LHFPL7: variants seen among roughly 807,000 people sequenced by gnomAD.
LHFPL7 encodes LHFPL tetraspan subfamily member 7, also known as LHFPL tetraspan subfamily member 7 protein.
At chr22:24,942,100 G>T in the LHFPL7 span, among the ~76,000 whole-genome samples, 1 of 151,900 alleles carries the variant, frequency 6.6e-6, no homozygotes, top group African/African-American at 2.4e-5. Context: ...GGTTCATGCC[G>T]TTCTCCTGCC....
the LHFPL7 span, among the ~76,000 whole-genome samples, chr22:24,939,924 C>CCTTTTTTTTTTTTT: frequency 1.1e-5 from 1 of 86,980 alleles, no homozygotes; most frequent in African/African-American, 4.3e-5. Flanking sequence ...TCATTTATCG[C>CCTTTTTTTTTTTTT]TTTTTTTTTT....
the LHFPL7 span, among the ~76,000 whole-genome samples, chr22:24,942,359 GT>G: frequency 6.6e-6 from 1 of 152,212 alleles, no homozygotes; most frequent in Non-Finnish European, 1.5e-5. Context: ...AATAGTCATG[GT>G]TTCACGGCAT....
chr22:24,935,227 C>T, the LHFPL7 span: 8 of 1,458,520 alleles, frequency 5.5e-6, no homozygotes, highest in Non-Finnish European at 7.3e-6. Context: ...AAGTGGCTTG[C>T]CTGAAGTCAC....
chr22:24,945,341 C>G, the LHFPL7 span, among the ~76,000 whole-genome samples: 3 of 152,136 alleles, frequency 2.0e-5, no homozygotes, highest in Non-Finnish European at 4.4e-5. Flanking sequence ...AGGGAGAAGT[C>G]TTCAGAAGAT....
At chr22:24,946,164 G>A in the LHFPL7 span, among the ~76,000 whole-genome samples, 3 of 152,094 alleles carry the variant, frequency 2.0e-5, no homozygotes, top group Non-Finnish European at 4.4e-5. Context: ...ACAAAACTTA[G>A]CTGGGCATGG....
At chr22:24,946,417 ACCCACC>A in the LHFPL7 span, among the ~76,000 whole-genome samples, 1 of 46,738 alleles carries the variant, frequency 2.1e-5, no homozygotes, top group East Asian at 6.3e-4. Flanking sequence ...GCACCCACCC[ACCCACC>A]CACACACACA....
chr22:24,941,205 G>A, the LHFPL7 span, among the ~76,000 whole-genome samples: 1 of 150,930 alleles, frequency 6.6e-6, no homozygotes, highest in East Asian at 2.0e-4. Flanking sequence ...CTTGCTGTGT[G>A]TCGGCCAGGC....
chr22:24,944,144 A>G, the LHFPL7 span, among the ~76,000 whole-genome samples: 12 of 152,144 alleles, frequency 7.9e-5, no homozygotes, highest in Admixed American at 6.6e-4. Flanking sequence ...GGGTGTCTAC[A>G]ATGTTCCAGG....
At chr22:24,937,039 G>A in the LHFPL7 span, among the ~76,000 whole-genome samples, 2 of 152,192 alleles carry the variant, frequency 1.3e-5, no homozygotes, top group Non-Finnish European at 2.9e-5. Flanking sequence ...CTAGGGGCTG[G>A]TGATAACCAG....
At chr22:24,943,719 C>T in the LHFPL7 span, among the ~76,000 whole-genome samples, 1 of 152,108 alleles carries the variant, frequency 6.6e-6, no homozygotes, top group African/African-American at 2.4e-5. Context: ...AATTTAAAGG[C>T]CAACGAACCC....
the LHFPL7 span, among the ~76,000 whole-genome samples, chr22:24,939,104 G>C: frequency 6.6e-6 from 1 of 152,208 alleles, no homozygotes; most frequent in Non-Finnish European, 1.5e-5. Context: ...AGGGGCTCCG[G>C]GTGGAGCACA....
the LHFPL7 span, among the ~76,000 whole-genome samples, chr22:24,941,294 G>A: frequency 1.4e-4 from 21 of 151,494 alleles, no homozygotes; most frequent in Middle Eastern, 3.4e-3. Context: ...TCAGCCTCCC[G>A]AGTAGCTGGG....
the LHFPL7 span, chr22:24,939,498 A>G: frequency 2.8e-6 from 2 of 703,122 alleles, no homozygotes; most frequent in Non-Finnish European, 2.6e-6. Flanking sequence ...GGTGCAGGTC[A>G]GAGAGAGCCC....
the LHFPL7 span, among the ~76,000 whole-genome samples, chr22:24,940,929 A>T: frequency 6.6e-6 from 1 of 151,616 alleles, no homozygotes; most frequent in African/African-American, 2.4e-5. Flanking sequence ...ATTTATTTTT[A>T]TTTTTTTGCA....
At chr22:24,935,295 C>T in the LHFPL7 span, 8 of 1,589,096 alleles carry the variant, frequency 5.0e-6, no homozygotes, top group Admixed American at 3.5e-5. Flanking sequence ...TTTCATAAAA[C>T]TCTGGAGTGT....
the LHFPL7 span, chr22:24,938,010 T>A: frequency 7.7e-7 from 1 of 1,303,798 alleles, no homozygotes; most frequent in African/African-American, 1.5e-5. Context: ...CCAGGAATAG[T>A]CAACAATCCT....
the LHFPL7 span, among the ~76,000 whole-genome samples, chr22:24,946,009 A>G: frequency 6.6e-6 from 1 of 152,166 alleles, no homozygotes; most frequent in East Asian, 1.9e-4. Context: ...TGAAGATATG[A>G]TTTAAAACTA....
chr22:24,939,330 C>T, the LHFPL7 span: 2 of 702,888 alleles, frequency 2.8e-6, no homozygotes, highest in Non-Finnish European at 5.2e-6. Flanking sequence ...TGAGCCAGCT[C>T]TCACCTTCCA....
At chr22:24,938,205 T>C in the LHFPL7 span, 1 of 1,614,190 alleles carries the variant, frequency 6.2e-7, no homozygotes, top group East Asian at 2.2e-5. Flanking sequence ...GCACAGCCCT[T>C]TGGGGGCCAC....
Sources: allele counts gnomAD v4.1 joint callset (sites outside exome capture counted in the v4.1 genomes callset), GRCh38; gene constraint gnomAD v4.1.1; transcripts MANE v1.5; gene names NCBI Gene and HGNC (gene_info 2026-07-23, HGNC 2026-07-21).